The following ABL1 variants were observed in gnomAD, a reference collection of about 807,000 sequenced individuals.
The protein encoded by ABL1 is ABL proto-oncogene 1, non-receptor tyrosine kinase, also known as tyrosine-protein kinase ABL1.
Under a neutral mutation model 94.7 loss-of-function variants are expected in ABL1, and 11 were observed. That is an observed-to-expected ratio of 0.12 (90% CI 0.07 to 0.19). The LOEUF is 0.19. ABL1 is among the 10% of genes least tolerant of loss of function. The pLI is 1.00. For synonymous variants in ABL1, 656 were observed against 622.4 expected (o/e 1.05, Z -0.80); for missense variants, 1,082 against 1,489.4 (o/e 0.73, Z 4.50).
At chr9:130,730,248 A>G (rs1278471764) in intron 1 of ABL1, among the ~76,000 whole-genome samples, 2 of 146,678 alleles carry the variant, frequency 1.4e-5, no homozygotes, top group Non-Finnish European at 3.0e-5. Flanking sequence ...CTCTGTGTTG[A>G]TCAGGCTGGT....
chr9:130,805,994 T>C (rs555434189), intron 1 of ABL1, among the ~76,000 whole-genome samples: 8 of 152,302 alleles, frequency 5.3e-5, no homozygotes, highest in South Asian at 4.1e-4. Context: ...GGTGGAATTA[T>C]ACCAGTCAGA....
intron 3 of ABL1, among the ~76,000 whole-genome samples, chr9:130,858,429 C>T (rs1831009575): frequency 6.6e-6 from 1 of 152,130 alleles, no homozygotes. Context: ...TCACACTTCC[C>T]TTGGCGTCTT....
At position 130,847,152 on chromosome 9, in the gene ABL1, C is replaced by CA. The variant is rs1174765721; in HGVS notation, c.80-6908dup. ...GGAAACCTTTTTGTTAACATTATGA[C>CA]AAAATAACAATATGGTTTTAAGTGG... On this transcript the variant is annotated intron_variant, in intron 1 of 10. Coordinates refer to ENST00000318560, the MANE Select transcript of ABL1 (RefSeq NM_005157.6). Among the ~76,000 whole-genome samples the CA allele has an allele frequency of 9.2e-5, 14 of 151,888 alleles. 1 individual carries two copies. Among genetic ancestry groups the CA allele is most frequent in the African/African-American group, 3.4e-4 (14 of 41,308 alleles).
At chr9:130,850,614 C>T (rs1056419610) in intron 1 of ABL1, among the ~76,000 whole-genome samples, 3 of 152,170 alleles carry the variant, frequency 2.0e-5, no homozygotes, top group African/African-American at 7.2e-5. Flanking sequence ...TCAAGCGATT[C>T]TCGTGCCTCA....
chr9:130,721,295 G>A (rs1031582425), intron 1 of ABL1, among the ~76,000 whole-genome samples: 2 of 151,390 alleles, frequency 1.3e-5, no homozygotes, highest in African/African-American at 2.4e-5. Flanking sequence ...GAGGGATCAC[G>A]TGAACCTGGG....
intron 3 of ABL1, among the ~76,000 whole-genome samples, chr9:130,855,499 C>T (rs1830959206): frequency 6.6e-6 from 1 of 152,144 alleles, no homozygotes; most frequent in Non-Finnish European, 1.5e-5. Context: ...ACTTTACTAT[C>T]CCCTCCCCCA....
chr9:130,743,471 A>G (rs978170822), intron 1 of ABL1, among the ~76,000 whole-genome samples: 5 of 152,160 alleles, frequency 3.3e-5, no homozygotes, highest in African/African-American at 9.7e-5. Context: ...GCAAATGTCA[A>G]TTCTAATTTG....
intron 1 of ABL1, among the ~76,000 whole-genome samples, chr9:130,715,132 A>C (rs1183951475): frequency 6.6e-6 from 1 of 152,180 alleles, no homozygotes; most frequent in African/African-American, 2.4e-5. Context: ...GGGCCAATAA[A>C]GGTTATCTGT....
chr9:130,799,722 C>T (rs1372125435), intron 1 of ABL1, among the ~76,000 whole-genome samples: 2 of 152,014 alleles, frequency 1.3e-5, no homozygotes, highest in African/African-American at 4.8e-5. Context: ...TTTATAAGTA[C>T]CATATAATTG....
At position 130,872,488 on chromosome 9, in the gene ABL1, T is replaced by G. The variant is rs937147614; in HGVS notation, c.907+275T>G. ...CAAATCTGAAATTAGTTTCTGAAAC[T>G]TGGGCATTTTCCAGAGTTTTCTCAC... On this transcript the variant is annotated intron_variant, in intron 5 of 10. Transcript: ENST00000318560. The surrounding 1 kb of genome is among the most constrained non-coding windows in gnomAD (Gnocchi z 5.0). 4.6e-5 allele frequency among the ~76,000 whole-genome samples: 7 copies of G among 152,368 alleles called. No individual in the cohort carries two copies. Among genetic ancestry groups the G allele is most frequent in the East Asian group, 1.9e-4 (1 of 5,186 alleles).
intron 1 of ABL1, among the ~76,000 whole-genome samples, chr9:130,737,304 G>C (rs1216931880): frequency 1.3e-5 from 2 of 152,098 alleles, no homozygotes; most frequent in Non-Finnish European, 2.9e-5. Flanking sequence ...GTCTCACTCT[G>C]TCTCCCAGGC....
Position 130,887,096 on chromosome 9 carries a change from G to A in ABL1, c.*1413G>A, listed in dbSNP as rs1831598799. 4.3e-6 allele frequency: 1 copy of A among 233,204 alleles called. No individual in the cohort carries two copies. The highest frequency in any genetic ancestry group is 5.6e-5 in the Admixed American group (1 of 17,806). 14.4% of individuals were successfully genotyped at this position (233,204 alleles called of 1,614,324 possible). A position where few individuals can be genotyped will look rare whatever the true frequency, so the allele number is the denominator to read the frequency against. Reference sequence around the variant, plus strand: ...CCGGGGTCTCCTGGACCTTGACAGAGCAGCTAACTCCGAGAGCAGTGGGCA... The same window carrying A: ...CCGGGGTCTCCTGGACCTTGACAGAACAGCTAACTCCGAGAGCAGTGGGCA... On this transcript the variant is annotated 3_prime_UTR_variant, in exon 11 of 11. Transcript: ENST00000318560.
chr9:130,731,811 T>C (rs1351544110), intron 1 of ABL1, among the ~76,000 whole-genome samples: 1 of 152,160 alleles, frequency 6.6e-6, no homozygotes, highest in Non-Finnish European at 1.5e-5. Context: ...TTAAGGATTT[T>C]CTTCTCTGAT....
At chr9:130,855,827 G>A (rs1412818688) in intron 3 of ABL1, among the ~76,000 whole-genome samples, 1 of 152,186 alleles carries the variant, frequency 6.6e-6, no homozygotes, top group Non-Finnish European at 1.5e-5. Flanking sequence ...AGTCACTGAT[G>A]GAATAGGCTT....
chr9:130,791,693 T>A (rs958716110), intron 1 of ABL1, among the ~76,000 whole-genome samples: 1 of 152,198 alleles, frequency 6.6e-6, no homozygotes, highest in South Asian at 2.1e-4. Flanking sequence ...ACTCTTGGAC[T>A]TGTACCAGTG....
At chr9:130,762,233 G>A (rs1832125590) in intron 1 of ABL1, among the ~76,000 whole-genome samples, 1 of 151,996 alleles carries the variant, frequency 6.6e-6, no homozygotes, top group African/African-American at 2.4e-5. Context: ...TAACCACCTT[G>A]TGGTAACATT....
chr9:130,841,554 G>A (rs1007895138), intron 1 of ABL1, among the ~76,000 whole-genome samples: 4 of 150,302 alleles, frequency 2.7e-5, no homozygotes, highest in African/African-American at 2.4e-5. Context: ...GCTGACGCCT[G>A]TAATCCCAGC....
At chr9:130,864,645 T>A (rs928219304) in intron 4 of ABL1, among the ~76,000 whole-genome samples, 1 of 152,208 alleles carries the variant, frequency 6.6e-6, no homozygotes, top group Non-Finnish European at 1.5e-5. Context: ...GGGACAGAGT[T>A]CTTCATCTGA....
chr9:130,729,117 G>A (rs550900541), intron 1 of ABL1, among the ~76,000 whole-genome samples: 1 of 152,236 alleles, frequency 6.6e-6, no homozygotes, highest in Admixed American at 6.5e-5. Flanking sequence ...CAGACACCCG[G>A]CCCTTAGAAT....
Sources: gnomAD v4.1 joint callset for allele counts (sites outside exome capture counted in the v4.1 genomes callset) on GRCh38, gnomAD v4.1.1 for gene constraint, Gnocchi (gnomAD v3.1) non-coding constraint, MANE v1.5 for transcripts, NCBI Gene and HGNC (gene_info 2026-07-23, HGNC 2026-07-21) for gene names.